TRABD: variants seen among roughly 807,000 people sequenced by gnomAD.
The protein encoded by TRABD is traB domain-containing protein.
A neutral mutation model predicts 39.6 loss-of-function variants in TRABD; 23 were observed. The observed-to-expected ratio is 0.58, with a 90% CI of 0.42 to 0.82. The LOEUF is 0.82. Ranked by LOEUF, TRABD falls within the 40% of genes least tolerant of loss-of-function variation. The pLI, the probability that TRABD is intolerant of heterozygous loss-of-function variation, is 0.00. For synonymous variants in TRABD, 243 were observed against 232.1 expected (o/e 1.05, Z -0.43); for missense variants, 487 against 544.9 (o/e 0.89, Z 1.06).
At position 50,195,756 on chromosome 22, in the gene TRABD, G is replaced by A. The variant is rs371688630; in HGVS notation, c.420+716G>A. Among the ~76,000 whole-genome samples, 7 of 152,230 alleles carry A rather than the reference G, an allele frequency of 4.6e-5. No individual in the cohort carries two copies. The South Asian group carries it at 1.2e-3, about 27-fold the overall frequency. On this transcript the variant is annotated intron_variant, in intron 5 of 9. Transcript: ENST00000380909. ...TGGGAATACAGGCATGAGCCACCGC[G>A]CCCGGCCAGGCTTTGTGTTTTCAAA...
rs2064200002 is a variant in TRABD, at chr22:50,198,308, AC to A, written c.957-32del. The A allele has an allele frequency of 6.8e-7, 1 of 1,477,208 alleles. No homozygotes were observed. The allele number at this position is 1,477,208 out of a possible 1,614,324, so 91.5% of individuals were successfully genotyped here. A position where few individuals can be genotyped will look rare whatever the true frequency, so the allele number is the denominator to read the frequency against. On this transcript the variant is annotated intron_variant, in intron 9 of 9. Coordinates refer to ENST00000380909, the MANE Select transcript of TRABD (RefSeq NM_001320485.2). The surrounding 1 kb of genome is among the most constrained non-coding windows in gnomAD (Gnocchi z 7.9). ...ATGGGGGCTGGGGTATGGGGAGCCC[AC>A]CCCCAGCCAGGCCCAGCGCCCCCTC...
At position 50,198,672 on chromosome 22, in the gene TRABD, C is replaced by A; in HGVS notation, c.*153C>A. The A allele has an allele frequency of 1.5e-6, 1 of 685,636 alleles. No individual in the cohort carries two copies. The highest frequency in any genetic ancestry group is 2.3e-6 in the Non-Finnish European group (1 of 434,400). 42.5% of individuals were successfully genotyped at this position (685,636 alleles called of 1,614,324 possible). ...CTGCCCTCCTGGGCCAGTCACCCCT[C>A]CCCCAGCCCACCCAAATAAAGGATT... On this transcript the variant is annotated 3_prime_UTR_variant, in exon 10 of 10. Transcript: ENST00000380909. The surrounding 1 kb of genome is among the most constrained non-coding windows in gnomAD (Gnocchi z 7.9).
intron 4 of TRABD, 31 bp downstream of exon 4, chr22:50,194,537 A>C: frequency 6.4e-7 from 1 of 1,561,168 alleles, no homozygotes; most frequent in Non-Finnish European, 8.7e-7. Context: ...CATCCCGGAC[A>C]CGGGTTGGTG....
chr22:50,199,190 G>A lies in TRABD; in HGVS notation c.*671G>A. Reference sequence around the variant, plus strand: ...GGAGAGAATTCGTGTTCTTGGGTCTGTCCCGAGTGGGCTCGCGTGCAGCCA... The same window carrying A: ...GGAGAGAATTCGTGTTCTTGGGTCTATCCCGAGTGGGCTCGCGTGCAGCCA... On this transcript the variant is annotated 3_prime_UTR_variant, in exon 10 of 10. Transcript: ENST00000380909. 1.4e-6 allele frequency: 1 copy of A among 710,836 alleles called. No homozygotes were observed. Among genetic ancestry groups the A allele is most frequent in the Middle Eastern group, 2.3e-4 (1 of 4,326 alleles). 44.0% of individuals were successfully genotyped at this position (710,836 alleles called of 1,614,324 possible).
rs1301263888 is a variant in TRABD, at chr22:50,188,285, TA to T, written c.-35+2319del. ...CGACAGAGTGACACTCCGTCTCAAATAAAAAAAAAATGAGGTCTCGCTAAGT... is the reference window on the plus strand; with the variant it reads ...CGACAGAGTGACACTCCGTCTCAAATAAAAAAAAATGAGGTCTCGCTAAGT... On this transcript the variant is annotated intron_variant, in intron 1 of 9. Transcript: ENST00000380909. Among the ~76,000 whole-genome samples, 27 of 148,384 alleles carry T rather than the reference TA, an allele frequency of 1.8e-4. No homozygotes were observed. The East Asian group carries it at 3.9e-3, about 21-fold the overall frequency.
chr22:50,197,081 G>A (rs921369813), intron 5 of TRABD, 160 bp from the exon 6 acceptor site: 8 of 661,508 alleles, frequency 1.2e-5, no homozygotes, highest in South Asian at 5.5e-5. Context: ...CCCTCTGCAC[G>A]CTAGGGTGGT....
intron 1 of TRABD, among the ~76,000 whole-genome samples, chr22:50,189,599 C>T (rs983063379): frequency 1.8e-4 from 28 of 152,374 alleles, no homozygotes; most frequent in Non-Finnish European, 3.7e-4. Context: ...ATGTCTGTCC[C>T]CCCGGAGGGG....
At chr22:50,195,072 G>A (rs762099330) in intron 5 of TRABD, 32 bp downstream of exon 5, 2 of 1,534,284 alleles carry the variant, frequency 1.3e-6, no homozygotes, top group African/African-American at 2.7e-5. Flanking sequence ...TCAGGGTCAG[G>A]GTCGGGGTCA....
intron 1 of TRABD, among the ~76,000 whole-genome samples, chr22:50,186,728 GC>G (rs2063770092): frequency 6.6e-6 from 1 of 152,262 alleles, no homozygotes; most frequent in Non-Finnish European, 1.5e-5. Flanking sequence ...AGGTGCCTTT[GC>G]CCTTCAATTG....
At chr22:50,197,767 C>A in intron 7 of TRABD, 56 bp from the exon 8 acceptor site, 1 of 1,219,744 alleles carries the variant, frequency 8.2e-7, no homozygotes. Context: ...AGTGCCAGCC[C>A]CACCCCCCCA....
At position 50,194,456 on chromosome 22, in the gene TRABD, G is replaced by C. The variant is rs1470913219; in HGVS notation, c.229G>C (p.Val77Leu). The change falls in exon 4 of 10, where the codon GTG becomes CTG. Residue 77 changes from valine to leucine, a missense_variant. By Grantham distance (32) the Val-to-Leu change is conservative (BLOSUM62 1). Around this residue, in one of 3 missense-constraint regions of TRABD, gnomAD observed 358 missense variants for 414.7 expected, o/e 0.86. Coordinates refer to ENST00000380909, the MANE Select transcript of TRABD (RefSeq NM_001320485.2). ...GGCTGAGGACGGGAGCAGGGTGTAC[G>C]TGGTGGGGACAGCCCACTTCAGCGA... ...LVAEDGSRVY[V>L]VGTAHFSDDS... 1.2e-6 allele frequency: 2 copies of C among 1,609,958 alleles called. No homozygotes were observed. Among genetic ancestry groups the C allele is most frequent in the Admixed American group, 3.4e-5 (2 of 59,502 alleles).
chr22:50,194,806 C>T lies in TRABD; in HGVS notation c.280-94C>T, dbSNP rs1469703357. 2.6e-6 allele frequency: 4 copies of T among 1,526,838 alleles called. No homozygotes were observed. The African/African-American group carries it at 4.1e-5, about 16-fold the overall frequency. 94.6% of individuals were successfully genotyped at this position (1,526,838 alleles called of 1,614,324 possible). A position where few individuals can be genotyped will look rare whatever the true frequency, so the allele number is the denominator to read the frequency against. On this transcript the variant is annotated intron_variant, in intron 4 of 9. Coordinates refer to ENST00000380909, the MANE Select transcript of TRABD (RefSeq NM_001320485.2). ...AGCCCTGGGGTGACGCCAAGGCTGG[C>T]TGCTCCTGGGATGGGGCCCCTGGTG... is the stretch of plus-strand genomic sequence containing the variant.
At position 50,194,958 on chromosome 22, in the gene TRABD, C is replaced by T. The variant is rs377121122; in HGVS notation, c.338C>T (p.Ser113Phe). ...VVVELCQYRV[S>F]MLKMDESTLL... ...GTGGAGCTCTGCCAATATCGTGTGT[C>T]CATGCTGAAGATGGACGAGAGCACG... is the stretch of plus-strand genomic sequence containing the variant. The change falls in exon 5 of 10, where the codon TCC becomes TTC. Residue 113 changes from serine to phenylalanine, a missense_variant. By Grantham distance (155) the Ser-to-Phe change is radical. Transcript: ENST00000380909. 1 of 1,612,802 alleles carries T rather than the reference C, an allele frequency of 6.2e-7. No individual in the cohort carries two copies. Among genetic ancestry groups the T allele is most frequent in the Non-Finnish European group, 8.5e-7 (1 of 1,179,972 alleles).
At chr22:50,194,190 C>T (rs890835777) in intron 3 of TRABD, 150 bp from the exon 4 acceptor site, 2 of 1,010,890 alleles carry the variant, frequency 2.0e-6, no homozygotes, top group Admixed American at 5.7e-5. Flanking sequence ...CAGGCAAAGC[C>T]TGTGGAGTGT....
rs376797289 is a variant in TRABD, at chr22:50,198,442, C to T, written c.1054C>T (p.Arg352Cys). The T allele has an allele frequency of 9.4e-6, 15 of 1,594,388 alleles. No homozygotes were observed. Among genetic ancestry groups the T allele is most frequent in the African/African-American group, 8.0e-5 (6 of 74,762 alleles). The change falls in exon 10 of 10, where the codon CGC (arginine) becomes TGC (cysteine). Residue 352 changes from arginine to cysteine, a missense_variant. Around this residue, in one of 3 missense-constraint regions of TRABD, gnomAD observed 123 missense variants for 108.3 expected, o/e 1.14. Coordinates refer to ENST00000380909, the MANE Select transcript of TRABD (RefSeq NM_001320485.2). The surrounding 1 kb of genome is among the most constrained non-coding windows in gnomAD (Gnocchi z 7.9). ...LGYSLYWMGR[R>C]TASLVLSLPA... ...CTACAGCCTGTACTGGATGGGCCGCCGCACCGCGAGCCTGGTCCTGTCGCT... is the reference window on the plus strand; with the variant it reads ...CTACAGCCTGTACTGGATGGGCCGCTGCACCGCGAGCCTGGTCCTGTCGCT...
At position 50,198,415 on chromosome 22, in the gene TRABD, G is replaced by A; in HGVS notation, c.1027G>A (p.Gly343Ser). 2 of 1,597,464 alleles carry A rather than the reference G, an allele frequency of 1.3e-6. No homozygotes were observed. The highest frequency in any genetic ancestry group is 1.3e-5 in the African/African-American group (1 of 74,838). ...GAAGGCCGCCTTCTTCGGCCTGCTG[G>A]GCTACAGCCTGTACTGGATGGGCCG... ...AVKAAFFGLLGYSLYWMGRRT... is the reference protein window; with the variant it reads ...AVKAAFFGLLSYSLYWMGRRT... Residue 343 changes from glycine (G) to serine (S), a missense_variant, in exon 10 of 10, where the codon GGC becomes AGC. Gly to Ser is a moderately conservative substitution (Grantham distance 56). Around this residue, in one of 3 missense-constraint regions of TRABD, gnomAD observed 123 missense variants for 108.3 expected, o/e 1.14. Transcript: ENST00000380909. This position sits in a 1 kb window ranked among gnomAD's most constrained non-coding sequence, Gnocchi z 7.9.
In TRABD at chr22:50,197,060, C is replaced by T. The variant is rs2147132402; in HGVS notation, c.421-181C>T. On this transcript the variant is annotated intron_variant, in intron 5 of 9. Transcript: ENST00000380909. ...GTGCCTGTTGGGACAGAACTCCCTG[C>T]TCTGGTCTGACCCTCTGCACGCTAG... 9.8e-6 allele frequency: 6 copies of T among 609,218 alleles called. 1 individual carries two copies. The Admixed American group carries it at 1.2e-4, about 12-fold the overall frequency. The allele number at this position is 609,218 out of a possible 1,614,324, so 37.7% of individuals were successfully genotyped here.
chr22:50,195,348 C>CT (rs2064062851), intron 5 of TRABD, among the ~76,000 whole-genome samples: 1 of 150,544 alleles, frequency 6.6e-6, no homozygotes, highest in South Asian at 2.1e-4. Flanking sequence ...TTGGCCCCCC[C>CT]GGTACCACAC....
In TRABD at chr22:50,199,038, C is replaced by G. The variant is rs1602478712; in HGVS notation, c.*519C>G. 1.4e-6 allele frequency: 1 copy of G among 699,448 alleles called. No homozygotes were observed. The highest frequency in any genetic ancestry group is 1.5e-5 in the South Asian group (1 of 65,838). The allele number at this position is 699,448 out of a possible 1,614,324, so 43.3% of individuals were successfully genotyped here. A position where few individuals can be genotyped will look rare whatever the true frequency, so the allele number is the denominator to read the frequency against. On this transcript the variant is annotated 3_prime_UTR_variant, in exon 10 of 10. Transcript: ENST00000380909. ...GGCCCTGGCCGCCACCTCCCTGGCA[C>G]CGTCTGCCTGCAGGGATTCTGTGTT... is the stretch of plus-strand genomic sequence containing the variant.
Sources: allele counts gnomAD v4.1 joint callset (sites outside exome capture counted in the v4.1 genomes callset), GRCh38; gene constraint gnomAD v4.1.1; regional missense constraint gnomAD v4.1.1; non-coding constraint Gnocchi (gnomAD v3.1); transcripts MANE v1.5; gene names NCBI Gene and HGNC (gene_info 2026-07-23, HGNC 2026-07-21).